Variants in VPS13C observed in about 807,000 individuals in gnomAD.
VPS13C encodes vacuolar protein sorting 13 homolog C.
In VPS13C, 358 loss-of-function variants were observed where a neutral mutation model predicts 456.8. The ratio of observed to expected loss-of-function variants is 0.78; its 90% CI spans 0.72 to 0.86. VPS13C has a LOEUF of 0.86. VPS13C is among the 40% of genes least tolerant of loss of function. The pLI is 0.00. For missense variants in VPS13C, 4,818 were observed against 4,385.4 expected, an observed-to-expected ratio of 1.10 and a Z score of -2.79; for synonymous variants, 1,578 against 1,486.7, an observed-to-expected ratio of 1.06 and a Z score of -1.41.
intron 9 of VPS13C, among the ~76,000 whole-genome samples, chr15:62,018,366 G>C (rs1169525901): frequency 6.6e-6 from 1 of 151,780 alleles, no homozygotes; most frequent in African/African-American, 2.4e-5. Context: ...TCTTGTGCCA[G>C]TTTTCAAAGG....
At chr15:62,050,619 G>A (rs1019110851) in intron 1 of VPS13C, among the ~76,000 whole-genome samples, 5 of 152,038 alleles carry the variant, frequency 3.3e-5, no homozygotes, top group East Asian at 1.9e-4. Context: ...CCAACATGGC[G>A]AAACCCTGTC....
intron 5 of VPS13C, among the ~76,000 whole-genome samples, chr15:62,029,111 A>T (rs1474144005): frequency 6.6e-6 from 1 of 152,084 alleles, no homozygotes; most frequent in Non-Finnish European, 1.5e-5. Context: ...GCCAGACCGG[A>T]TTCAAATTCT....
rs1316905260 is a variant in VPS13C, at chr15:61,918,528, T to C, written c.7639-271A>G. Among the ~76,000 whole-genome samples, 9 of 152,184 alleles carry C rather than the reference T, an allele frequency of 5.9e-5. No individual in the cohort carries two copies. In the East Asian group the frequency reaches 1.7e-3, roughly 29 times the overall value. On this transcript the variant is annotated intron_variant, in intron 58 of 84. Coordinates refer to ENST00000644861, the MANE Select transcript of VPS13C (RefSeq NM_020821.3). ...GTCTATATTATCTTTCAAATATGTA[T>C]TATTCTCTGAAGATTTAAGCCATTT...
chr15:61,893,161 A>C (rs2042701817), intron 66 of VPS13C, among the ~76,000 whole-genome samples: 1 of 152,220 alleles, frequency 6.6e-6, no homozygotes, highest in Admixed American at 6.5e-5. Context: ...AATCCAAAGA[A>C]GACTACCCTA....
chr15:61,880,930 T>G lies in VPS13C; in HGVS notation c.9801A>C (p.Glu3267Asp), dbSNP rs761067982. The G allele has an allele frequency of 5.0e-6, 8 of 1,609,000 alleles. No individual in the cohort carries two copies. The highest frequency in any genetic ancestry group is 6.8e-6 in the Non-Finnish European group (8 of 1,177,872). ...QFKYFMVLIQ[E>D]MALKIDQGFL... Reference sequence around the variant, plus strand: ...ACCCTTGATCAATTTTTAAGGCCATTTCCTGAATGAGGACCATAAAATACC... The same window carrying G: ...ACCCTTGATCAATTTTTAAGGCCATGTCCTGAATGAGGACCATAAAATACC... The change falls in exon 72 of 85, where the codon GAA becomes GAC. Residue 3267 changes from glutamate to aspartate, a missense_variant. This residue lies in a region of VPS13C where 4,552 missense variants were observed against 4,130.6 expected (regional missense o/e 1.10). Transcript: ENST00000644861.
intron 3 of VPS13C, among the ~76,000 whole-genome samples, chr15:62,037,267 T>TTATATAATATATTATATATAAATA (rs2048053353): frequency 9.2e-5 from 2 of 21,724 alleles, no homozygotes; most frequent in African/African-American, 1.8e-4. Flanking sequence ...ATATATTATA[T>TTATATAATATATTATATATAAATA]TATATAATAT....
At chr15:62,034,578 AAAT>A (rs2047922074) in intron 4 of VPS13C, among the ~76,000 whole-genome samples, 1 of 151,784 alleles carries the variant, frequency 6.6e-6, no homozygotes, top group African/African-American at 2.4e-5. Context: ...ATAGGAAAAA[AAAT>A]AAATTTTTCA....
chr15:62,041,574 T>C (rs1221949156), intron 2 of VPS13C, among the ~76,000 whole-genome samples: 1 of 152,134 alleles, frequency 6.6e-6, no homozygotes, highest in African/African-American at 2.4e-5. Context: ...TCCCAGCACT[T>C]TGGGAAGCCG....
chr15:61,887,484 T>C (rs1486398122), intron 67 of VPS13C, among the ~76,000 whole-genome samples: 1 of 152,072 alleles, frequency 6.6e-6, no homozygotes, highest in Non-Finnish European at 1.5e-5. Flanking sequence ...TAAATATAAG[T>C]TTGAGATCAG....
intron 14 of VPS13C, 116 bp downstream of exon 14, chr15:62,008,537 CTT>C (rs1396054031): frequency 1.4e-5 from 8 of 552,850 alleles, no homozygotes; most frequent in Non-Finnish European, 1.8e-5. Context: ...TTTTAATACT[CTT>C]GTCTCTTTTT....
At chr15:62,003,433 G>C (rs1340910048) in intron 15 of VPS13C, among the ~76,000 whole-genome samples, 1 of 151,952 alleles carries the variant, frequency 6.6e-6, no homozygotes, top group Non-Finnish European at 1.5e-5. Flanking sequence ...AGACGATGGG[G>C]TTTTCTAGAT....
intron 42 of VPS13C, 62 bp downstream of exon 42, chr15:61,949,381 C>T: frequency 4.5e-6 from 7 of 1,557,560 alleles, no homozygotes; most frequent in Non-Finnish European, 5.2e-6. Context: ...CTGAAAAAAA[C>T]AAGTTGTTAT....
chr15:61,889,975 A>G (rs1293325919), intron 67 of VPS13C, among the ~76,000 whole-genome samples, 190 bp downstream of exon 67: 2 of 152,180 alleles, frequency 1.3e-5, no homozygotes, highest in Admixed American at 6.5e-5. Context: ...GACAAAGACA[A>G]TATCTTAGTC....
chr15:62,049,600 C>T (rs1205996368), intron 1 of VPS13C, among the ~76,000 whole-genome samples: 4 of 152,082 alleles, frequency 2.6e-5, no homozygotes, highest in Non-Finnish European at 5.9e-5. Flanking sequence ...TTTTTTGGTT[C>T]CATATGAACT....
chr15:61,898,396 G>T (rs1393753252), intron 66 of VPS13C, among the ~76,000 whole-genome samples: 1 of 149,330 alleles, frequency 6.7e-6, no homozygotes, highest in Non-Finnish European at 1.5e-5. Flanking sequence ...CAAAATAAAA[G>T]GATGGAGGAA....
At chr15:62,017,827 T>G (rs932593192) in intron 9 of VPS13C, among the ~76,000 whole-genome samples, 48 of 152,308 alleles carry the variant, frequency 3.2e-4, no homozygotes, top group Admixed American at 1.3e-3. Flanking sequence ...GTGAAGAAAG[T>G]CATTGGTAGC....
rs377706299 is a variant in VPS13C, at chr15:62,060,239, G to C, written c.100+36C>G. On this transcript the variant is annotated intron_variant, in intron 1 of 84. Coordinates refer to ENST00000644861, the MANE Select transcript of VPS13C (RefSeq NM_020821.3). ...GGAGCAGCCCTCGGCTGGGCCCTCA[G>C]CGCCCGCAGCCCACTGGCCGCGCCC... is the stretch of plus-strand genomic sequence containing the variant. The C allele has an allele frequency of 3.0e-6, 4 of 1,335,528 alleles. No individual in the cohort carries two copies. The African/African-American group carries it at 5.9e-5, about 20-fold the overall frequency. 82.7% of individuals were successfully genotyped at this position (1,335,528 alleles called of 1,614,324 possible).
intron 3 of VPS13C, among the ~76,000 whole-genome samples, chr15:62,038,554 T>C (rs952902103): frequency 3.3e-5 from 5 of 152,176 alleles, no homozygotes; most frequent in African/African-American, 1.2e-4. Flanking sequence ...GCCACTGCAT[T>C]CCAGGCTGGG....
chr15:61,943,387 C>T (rs893339296), intron 45 of VPS13C, among the ~76,000 whole-genome samples: 2 of 152,072 alleles, frequency 1.3e-5, no homozygotes, highest in Non-Finnish European at 2.9e-5. Context: ...GCTACAGTAA[C>T]CCAAACAGCA....
Sources: allele counts gnomAD v4.1 joint callset (sites outside exome capture counted in the v4.1 genomes callset), GRCh38; gene constraint gnomAD v4.1.1; regional missense constraint gnomAD v4.1.1; transcripts MANE v1.5; gene names NCBI Gene and HGNC (gene_info 2026-07-23, HGNC 2026-07-21).